JAK1: variants seen among roughly 807,000 people sequenced by gnomAD.
The protein encoded by JAK1 is tyrosine-protein kinase JAK1.
JAK1 carries 16 observed loss-of-function variants against 136.6 expected under a neutral mutation model. The ratio of observed to expected loss-of-function variants is 0.12; its 90% CI spans 0.08 to 0.18. JAK1 has a LOEUF of 0.18. Ranked by LOEUF, JAK1 falls within the 10% of genes least tolerant of loss-of-function variation. JAK1 has a pLI of 1.00. For synonymous variants in JAK1, 492 were observed against 519.5 expected, an observed-to-expected ratio of 0.95 and a Z score of 0.72; for missense variants, 859 against 1,450.1, an observed-to-expected ratio of 0.59 and a Z score of 6.62.
At chr1:65,016,561 A>G (rs1262274247) in intron 2 of JAK1, among the ~76,000 whole-genome samples, 2 of 152,164 alleles carry the variant, frequency 1.3e-5, no homozygotes, top group Non-Finnish European at 1.5e-5. Flanking sequence ...GGTTGACTGC[A>G]CCACTGCACT....
At position 64,984,899 on chromosome 1, in the gene JAK1, TG is replaced by T; in HGVS notation, c.-78+59580del. The T allele has an allele frequency of 8.4e-7, 1 of 1,189,634 alleles. No homozygotes were observed. Among genetic ancestry groups the T allele is most frequent in the Non-Finnish European group, 1.3e-6 (1 of 796,730 alleles). 73.7% of individuals were successfully genotyped at this position (1,189,634 alleles called of 1,614,324 possible). On this transcript the variant is annotated intron_variant, in intron 2 of 25. Coordinates refer to the JAK1 transcript ENST00000671954. This position sits in a 1 kb window ranked among gnomAD's most constrained non-coding sequence, Gnocchi z 4.1. ...AGCAGCCGGCCACTGCCATCACAGC[TG>T]GGCCAGGGCCCTGGCTGAAGAGTTC...
intron 2 of JAK1, among the ~76,000 whole-genome samples, chr1:65,033,950 GA>G (rs1459544818): frequency 6.6e-6 from 1 of 152,116 alleles, no homozygotes; most frequent in Non-Finnish European, 1.5e-5. Context: ...TTGTAATAAG[GA>G]GTAGACATAA....
intron 4 of JAK1, among the ~76,000 whole-genome samples, chr1:64,878,274 T>G (rs1445430650): frequency 1.3e-5 from 2 of 152,152 alleles, no homozygotes; most frequent in Non-Finnish European, 2.9e-5. Flanking sequence ...ACTGAACAAA[T>G]ATGTTTACAA....
chr1:64,948,234 T>C (rs1646022023), intron 1 of JAK1, among the ~76,000 whole-genome samples: 1 of 152,228 alleles, frequency 6.6e-6, no homozygotes, highest in Non-Finnish European at 1.5e-5. Flanking sequence ...ACTGCCTAGG[T>C]ATACTGACTC....
chr1:64,902,568 G>GAC (rs2101478370), intron 1 of JAK1, among the ~76,000 whole-genome samples: 1 of 56,842 alleles, frequency 1.8e-5, no homozygotes, highest in East Asian at 6.2e-4. Flanking sequence ...GAGAGAGAGA[G>GAC]AGAGAGAGAG....
At chr1:65,003,768 G>A (rs559350462) in intron 2 of JAK1, 2 of 151,942 alleles carry the variant, frequency 1.3e-5, no homozygotes, top group East Asian at 3.9e-4. Context: ...AGTAATCTCT[G>A]TAAAGCCTTA....
chr1:64,953,156 A>G (rs1646121067), intron 1 of JAK1, among the ~76,000 whole-genome samples: 2 of 152,332 alleles, frequency 1.3e-5, no homozygotes, highest in Admixed American at 1.3e-4. Context: ...TAAAGGTGTA[A>G]ACATTATGTA....
At chr1:64,855,347 G>T (rs1194805840) in intron 11 of JAK1, among the ~76,000 whole-genome samples, 162 bp downstream of exon 11, 2 of 152,196 alleles carry the variant, frequency 1.3e-5, no homozygotes, top group Non-Finnish European at 2.9e-5. Flanking sequence ...TCAAGGGATT[G>T]GATGTGAGTT....
intron 2 of JAK1, chr1:64,973,761 G>A (rs1403759214): frequency 6.6e-6 from 1 of 152,054 alleles, no homozygotes; most frequent in Non-Finnish European, 1.5e-5. Flanking sequence ...TCCATCTAAG[G>A]TGGGGTGTGA....
At position 64,907,352 on chromosome 1, in the gene JAK1, T is replaced by C. The variant is rs1570748385; in HGVS notation, c.-77-21011A>G. On this transcript the variant is annotated intron_variant, in intron 1 of 24. Coordinates refer to ENST00000342505, the MANE Select transcript of JAK1 (RefSeq NM_002227.4). Reference sequence around the variant, plus strand: ...TCTGAAAGAGAGAATAACATTGTTCTAGCACAATAAACTTCTGGGCTTTTC... The same window carrying C: ...TCTGAAAGAGAGAATAACATTGTTCCAGCACAATAAACTTCTGGGCTTTTC... 2.0e-5 allele frequency among the ~76,000 whole-genome samples: 3 copies of C among 152,246 alleles called. No individual in the cohort carries two copies. The South Asian group carries it at 6.2e-4, about 31-fold the overall frequency.
At chr1:64,977,716 C>T (rs1473429845) in intron 2 of JAK1, among the ~76,000 whole-genome samples, 1 of 152,122 alleles carries the variant, frequency 6.6e-6, no homozygotes, top group Non-Finnish European at 1.5e-5. Context: ...CAGGCGTGAG[C>T]CACCGCGCCT....
intron 20 of JAK1, 77 bp downstream of exon 20, chr1:64,839,526 G>A: frequency 1.6e-6 from 2 of 1,282,790 alleles, no homozygotes; most frequent in South Asian, 1.5e-5. Context: ...GCCACGGAGT[G>A]CCTGTTTTGC....
At chr1:64,909,021 T>C (rs969656698) in intron 1 of JAK1, among the ~76,000 whole-genome samples, 3 of 152,188 alleles carry the variant, frequency 2.0e-5, no homozygotes. Context: ...AACGAGCTAA[T>C]TACAAAAAGA....
chr1:64,837,116 TC>T (rs1221063307), intron 22 of JAK1, among the ~76,000 whole-genome samples: 1 of 152,190 alleles, frequency 6.6e-6, no homozygotes, highest in Non-Finnish European at 1.5e-5. Context: ...ACTCACGACT[TC>T]CAGAAAACCA....
chr1:64,974,254 A>G (rs1483122337), intron 2 of JAK1: 1 of 152,200 alleles, frequency 6.6e-6, no homozygotes, highest in African/African-American at 2.4e-5. Flanking sequence ...TCTTCCTCAG[A>G]TACTTCAACT....
Position 64,951,405 on chromosome 1 carries a change from T to C in JAK1, c.-78+14928A>G, listed in dbSNP as rs373405131. On this transcript the variant is annotated intron_variant, in intron 1 of 24. Transcript: ENST00000342505. ...GCATACAGAAAAGTATAAAGAACCA[T>C]TGATCTTTAAAGAGGACTAAATAAG... Among the ~76,000 whole-genome samples, 195 of 152,282 alleles carry C rather than the reference T, an allele frequency of 1.3e-3. 1 individual carries two copies. Among genetic ancestry groups the C allele is most frequent in the African/African-American group, 4.5e-3 (189 of 41,546 alleles).
intron 8 of JAK1, among the ~76,000 whole-genome samples, chr1:64,864,429 G>C (rs1570663506): frequency 6.6e-6 from 1 of 152,352 alleles, no homozygotes; most frequent in East Asian, 1.9e-4. Flanking sequence ...TTGCACTTCA[G>C]CTCAGCAGAG....
chr1:64,906,480 G>A (rs1020448299), intron 1 of JAK1, among the ~76,000 whole-genome samples: 3 of 151,970 alleles, frequency 2.0e-5, no homozygotes, highest in Admixed American at 1.3e-4. Context: ...TGTTGTAGAA[G>A]CAAAACCCCC....
At chr1:64,880,157 G>A (rs1362864553) in intron 3 of JAK1, among the ~76,000 whole-genome samples, 1 of 152,114 alleles carries the variant, frequency 6.6e-6, no homozygotes, top group Non-Finnish European at 1.5e-5. Flanking sequence ...TCTCTCCAAC[G>A]CAGACACTGA....
Sources: gnomAD v4.1 joint callset for allele counts (sites outside exome capture counted in the v4.1 genomes callset) on GRCh38, gnomAD v4.1.1 for gene constraint, Gnocchi (gnomAD v3.1) non-coding constraint, MANE v1.5 for transcripts, NCBI Gene and HGNC (gene_info 2026-07-23, HGNC 2026-07-21) for gene names.